IQGAP2: variants seen among roughly 807,000 people sequenced by gnomAD.
IQGAP2 encodes IQ motif containing GTPase activating protein 2.
Under a neutral mutation model 201.3 loss-of-function variants are expected in IQGAP2, and 173 were observed. The observed-to-expected ratio is 0.86, with a 90% CI of 0.76 to 0.98. IQGAP2 has a LOEUF of 0.98. IQGAP2 is among the 50% of genes least tolerant of loss of function. The pLI is 0.00. For missense variants in IQGAP2, 1,687 were observed against 1,864.8 expected (o/e 0.90, Z 1.76); for synonymous variants, 675 against 673.9 (o/e 1.00, Z -0.03).
At chr5:76,598,738 G>A (rs1328301660) in intron 10 of IQGAP2, among the ~76,000 whole-genome samples, 1 of 152,130 alleles carries the variant, frequency 6.6e-6, no homozygotes, top group East Asian at 1.9e-4. Context: ...TTTGGCCACA[G>A]AGATGTTTCA....
chr5:76,483,811 T>A (rs1311998974), intron 2 of IQGAP2, among the ~76,000 whole-genome samples: 1 of 152,144 alleles, frequency 6.6e-6, no homozygotes, highest in Non-Finnish European at 1.5e-5. Flanking sequence ...CCCCACCCCA[T>A]GCCAGCCAAG....
chr5:76,623,196 A>G lies in IQGAP2; in HGVS notation c.1522-4214A>G, dbSNP rs1453043113. On this transcript the variant is annotated intron_variant, in intron 13 of 35. Transcript: ENST00000274364. ...CTGACAAAAAGTGGGCAACAGAAGC[A>G]GGAGGCCAGCAGCTGCAAAGATGAG... 4 of 1,614,124 alleles carry G rather than the reference A, an allele frequency of 2.5e-6. No individual in the cohort carries two copies. Among genetic ancestry groups the G allele is most frequent in the Non-Finnish European group, 3.4e-6 (4 of 1,180,040 alleles).
At chr5:76,461,897 C>G (rs1354917145) in intron 2 of IQGAP2, among the ~76,000 whole-genome samples, 1 of 152,232 alleles carries the variant, frequency 6.6e-6, no homozygotes, top group East Asian at 1.9e-4. Context: ...CCTCCACACT[C>G]TGCTCCACTC....
At chr5:76,689,230 TAAAAAAA>T (rs11424254) in intron 30 of IQGAP2, among the ~76,000 whole-genome samples, 8 of 86,490 alleles carry the variant, frequency 9.2e-5, no homozygotes, top group Admixed American at 3.0e-4. Context: ...CAGGGATATT[TAAAAAAA>T]AAAAAAAAAA....
Position 76,700,780 on chromosome 5 carries a change from A to T in IQGAP2, c.4368-296A>T, listed in dbSNP as rs565754438. 3.5e-4 allele frequency among the ~76,000 whole-genome samples: 53 copies of T among 152,338 alleles called. No homozygotes were observed. The South Asian group carries it at 4.4e-3, about 13-fold the overall frequency. ...CACCAAAGCTACTTCTGAAATGACT[A>T]AAGATAGCCACTTGGTTCAATATAC... is the stretch of plus-strand genomic sequence containing the variant. On this transcript the variant is annotated intron_variant, in intron 33 of 35. Transcript: ENST00000274364.
At chr5:76,691,067 G>A (rs1746218057) in intron 30 of IQGAP2, among the ~76,000 whole-genome samples, 1 of 152,224 alleles carries the variant, frequency 6.6e-6, no homozygotes, top group Non-Finnish European at 1.5e-5. Flanking sequence ...AAGAGTCCAA[G>A]CCAAGACAGA....
chr5:76,443,432 C>G (rs1310279341), intron 1 of IQGAP2, among the ~76,000 whole-genome samples: 1 of 151,386 alleles, frequency 6.6e-6, no homozygotes, highest in Admixed American at 6.6e-5. Context: ...TTCAGCCTGG[C>G]CAACATAGTG....
At chr5:76,570,781 A>G (rs1242900552) in intron 4 of IQGAP2, 124 bp downstream of exon 4, 3 of 694,768 alleles carry the variant, frequency 4.3e-6, no homozygotes, top group African/African-American at 3.6e-5. Context: ...TGTGAGGACT[A>G]AAAAACATGG....
At chr5:76,696,278 T>C (rs1033686016) in intron 32 of IQGAP2, among the ~76,000 whole-genome samples, 5 of 152,238 alleles carry the variant, frequency 3.3e-5, no homozygotes, top group Non-Finnish European at 7.3e-5. Flanking sequence ...TATAGCTCAG[T>C]TGCTCTTAGA....
chr5:76,644,391 C>A (rs1157521752), intron 17 of IQGAP2, among the ~76,000 whole-genome samples: 1 of 149,734 alleles, frequency 6.7e-6, no homozygotes, highest in Non-Finnish European at 1.5e-5. Context: ...CCTCCACCTC[C>A]TGGGTTCAAG....
At chr5:76,523,558 A>G (rs1758809750) in intron 2 of IQGAP2, among the ~76,000 whole-genome samples, 2 of 152,212 alleles carry the variant, frequency 1.3e-5, no homozygotes, top group Admixed American at 1.3e-4. Flanking sequence ...TGAATAAGAC[A>G]TGGAAATGTA....
intron 2 of IQGAP2, among the ~76,000 whole-genome samples, chr5:76,527,124 C>T (rs1759020036): frequency 1.3e-5 from 2 of 152,172 alleles, no homozygotes; most frequent in Admixed American, 6.5e-5. Flanking sequence ...TCATCAAAAC[C>T]AGATTTGTCG....
chr5:76,441,476 A>T (rs1260324687), intron 1 of IQGAP2: 3 of 985,126 alleles, frequency 3.0e-6, no homozygotes, highest in Non-Finnish European at 3.6e-6. Flanking sequence ...AACCAAAAGA[A>T]AAAGAAGGAA....
At chr5:76,416,430 G>A (rs1481022289) in intron 1 of IQGAP2, among the ~76,000 whole-genome samples, 5 of 152,234 alleles carry the variant, frequency 3.3e-5, no homozygotes, top group South Asian at 2.1e-4. Context: ...TTAGACCAAT[G>A]AGAGACGAGA....
chr5:76,496,757 C>CTTTCTTTCTTTTCT (rs1561416484), intron 2 of IQGAP2, among the ~76,000 whole-genome samples: 2 of 79,268 alleles, frequency 2.5e-5, no homozygotes, highest in African/African-American at 7.0e-5. Context: ...TTCTTTCTTT[C>CTTTCTTTCTTTTCT]TTTCTTTCTT....
intron 3 of IQGAP2, among the ~76,000 whole-genome samples, chr5:76,564,721 C>A (rs532141666): frequency 6.6e-6 from 1 of 152,236 alleles, no homozygotes; most frequent in South Asian, 2.1e-4. Context: ...AAAATACTTG[C>A]GGGGCGTAGG....
intron 9 of IQGAP2, among the ~76,000 whole-genome samples, chr5:76,595,106 A>G (rs1024874793): frequency 1.3e-5 from 2 of 152,156 alleles, no homozygotes; most frequent in African/African-American, 4.8e-5. Context: ...GTTGGTGGTA[A>G]TGTCAACAGA....
intron 2 of IQGAP2, among the ~76,000 whole-genome samples, chr5:76,470,152 C>T (rs1424209912): frequency 6.6e-6 from 1 of 152,192 alleles, no homozygotes; most frequent in Admixed American, 6.5e-5. Context: ...AGTCTTCCCT[C>T]AGTTGCTCAC....
Position 76,631,996 on chromosome 5 carries a change from G to A in IQGAP2, c.1750G>A (p.Val584Met), listed in dbSNP as rs1025788734. ...TGCTGACAAATACTATGATGCCCTT[G>A]TGAAGGCAAAAGAGCTCAAATCTGA... is the stretch of plus-strand genomic sequence containing the variant. The part of the protein sequence containing the change: ...ECADKYYDAL[V>M]KAKELKSERV... The change falls in exon 15 of 36, where the codon GTG (valine) becomes ATG (methionine). Residue 584 changes from valine to methionine, a missense_variant. Val to Met is a conservative substitution (Grantham distance 21). Transcript: ENST00000274364. The A allele has an allele frequency of 1.9e-6, 3 of 1,609,512 alleles. No homozygotes were observed. The highest frequency in any genetic ancestry group is 2.5e-6 in the Non-Finnish European group (3 of 1,178,212).
Sources: gnomAD v4.1 joint callset for allele counts (sites outside exome capture counted in the v4.1 genomes callset) on GRCh38, gnomAD v4.1.1 for gene constraint, MANE v1.5 for transcripts, NCBI Gene and HGNC (gene_info 2026-07-23, HGNC 2026-07-21) for gene names.